IL31RA: variants seen among roughly 807,000 people sequenced by gnomAD.
The protein encoded by IL31RA is interleukin-31 receptor subunit alpha.
IL31RA carries 66 observed loss-of-function variants against 83.7 expected under a neutral mutation model. The ratio of observed to expected loss-of-function variants is 0.79; its 90% CI spans 0.65 to 0.97. The LOEUF (loss-of-function observed/expected upper bound fraction) is 0.97. Ranked by LOEUF, IL31RA falls within the 50% of genes least tolerant of loss-of-function variation. The pLI, the probability that IL31RA is intolerant of heterozygous loss-of-function variation, is 0.00. For missense variants in IL31RA, 798 were observed against 919.4 expected (o/e 0.87, Z 1.71); for synonymous variants, 325 against 329.0 (o/e 0.99, Z 0.13).
At chr5:55,891,861 C>T (rs1048944803) in intron 6 of IL31RA, among the ~76,000 whole-genome samples, 14 of 143,952 alleles carry the variant, frequency 9.7e-5, no homozygotes, top group Admixed American at 3.6e-4. Flanking sequence ...CCGCAAGCTC[C>T]GCCTCCCAGG....
At chr5:55,867,259 GTT>G (rs1475859348) in intron 2 of IL31RA, among the ~76,000 whole-genome samples, 70 of 14,762 alleles carry the variant, frequency 4.7e-3, no homozygotes, top group African/African-American at 0.015. Flanking sequence ...GTGTGCGTGT[GTT>G]TGTGTGCGTG....
At chr5:55,894,855 T>G (rs1396640683) in intron 6 of IL31RA, among the ~76,000 whole-genome samples, 1 of 152,202 alleles carries the variant, frequency 6.6e-6, no homozygotes, top group Admixed American at 6.5e-5. Context: ...TAGCTGGGAT[T>G]ACAGGCACAC....
At chr5:55,899,428 G>A (rs1472883808) in intron 7 of IL31RA, among the ~76,000 whole-genome samples, 1 of 152,206 alleles carries the variant, frequency 6.6e-6, no homozygotes, top group African/African-American at 2.4e-5. Flanking sequence ...ACGCCTGGCT[G>A]GGGCGCCTGG....
chr5:55,877,173 T>A (rs1398521143), intron 4 of IL31RA, among the ~76,000 whole-genome samples: 1 of 152,192 alleles, frequency 6.6e-6, no homozygotes, highest in Non-Finnish European at 1.5e-5. Context: ...AAATAGCATC[T>A]AAAGTTATAA....
intron 2 of IL31RA, 100 bp downstream of exon 2, chr5:55,859,699 A>G (rs1745555798): frequency 1.2e-6 from 1 of 864,446 alleles, no homozygotes; most frequent in Non-Finnish European, 2.0e-6. Context: ...ATGGACATCC[A>G]CAGATAGAAA....
rs745449788 is a variant in IL31RA, at chr5:55,916,763, T to C, written c.1938T>C (p.Asn646=). The C allele has an allele frequency of 3.7e-6, 6 of 1,614,198 alleles. No homozygotes were observed. Among genetic ancestry groups the C allele is most frequent in the Non-Finnish European group, 4.2e-6 (5 of 1,180,022 alleles). ...ACAAGTTGGTGGTGAACTTTGGGAA[T>C]GTTCTGCAAGAAATTTTCACAGATG... The part of the protein sequence containing the change: ...VIDKLVVNFG[N]VLQEIFTDEA... Residue 646 remains asparagine (N), a synonymous_variant, in exon 15 of 15, where the codon AAT becomes AAC. Coordinates refer to ENST00000652347, the MANE Select transcript of IL31RA (RefSeq NM_139017.7).
In IL31RA at chr5:55,901,050, C is replaced by T. The variant is rs1436806039; in HGVS notation, c.1069+918C>T. On this transcript the variant is annotated intron_variant, in intron 8 of 14. Coordinates refer to ENST00000652347, the MANE Select transcript of IL31RA (RefSeq NM_139017.7). Reference sequence around the variant, plus strand: ...ACACCTAGACTGGTTCAGACATTTACACAACCAGTTCTAGAATTCTCTGCC... The same window carrying T: ...ACACCTAGACTGGTTCAGACATTTATACAACCAGTTCTAGAATTCTCTGCC... Among the ~76,000 whole-genome samples the T allele has an allele frequency of 3.3e-5, 5 of 152,238 alleles. 1 individual carries two copies. Among genetic ancestry groups the T allele is most frequent in the Non-Finnish European group, 7.3e-5 (5 of 68,044 alleles).
chr5:55,865,995 G>C (rs1746024418), intron 2 of IL31RA, among the ~76,000 whole-genome samples: 1 of 152,178 alleles, frequency 6.6e-6, no homozygotes, highest in Non-Finnish European at 1.5e-5. Flanking sequence ...ATCTGCCATG[G>C]GGCAGCTGGC....
rs1330184406 is a variant in IL31RA, at chr5:55,918,722, G to A, written c.*1602G>A. ...ACTTACCTTAGCCAATTGCTGCCTC[G>A]TTACTGTGGGCACAGGAAGGTGTGG... On this transcript the variant is annotated 3_prime_UTR_variant, in exon 15 of 15. Transcript: ENST00000652347. 2.6e-5 allele frequency among the ~76,000 whole-genome samples: 4 copies of A among 152,036 alleles called. No individual in the cohort carries two copies. The highest frequency in any genetic ancestry group is 6.6e-5 in the Admixed American group (1 of 15,258).
At position 55,921,548 on chromosome 5, in the gene IL31RA, C is replaced by G. The variant is rs2112613625; in HGVS notation, c.*4428C>G. On this transcript the variant is annotated 3_prime_UTR_variant, in exon 15 of 15. Coordinates refer to ENST00000652347, the MANE Select transcript of IL31RA (RefSeq NM_139017.7). ...TTGCTGGTCAGAATTTTATGGTTGTCACATTTTGCGTGACTGTGTCCCATC... is the reference window on the plus strand; with the variant it reads ...TTGCTGGTCAGAATTTTATGGTTGTGACATTTTGCGTGACTGTGTCCCATC... 6.6e-6 allele frequency among the ~76,000 whole-genome samples: 1 copy of G among 152,308 alleles called. No individual in the cohort carries two copies. The highest frequency in any genetic ancestry group is 2.1e-4 in the South Asian group (1 of 4,828).
upstream of IL31RA, among the ~76,000 whole-genome samples, chr5:55,850,437 G>A (rs1434197539): frequency 2.6e-5 from 4 of 152,012 alleles, no homozygotes; most frequent in Non-Finnish European, 5.9e-5. Flanking sequence ...TTAGACTTCA[G>A]CTCTCATATT....
intron 11 of IL31RA, chr5:55,908,836 A>C: frequency 1.5e-6 from 2 of 1,373,332 alleles, no homozygotes; most frequent in Non-Finnish European, 1.9e-6. Context: ...CATCTTAAAT[A>C]CTGGGCAAGG....
intron 5 of IL31RA, among the ~76,000 whole-genome samples, chr5:55,886,359 C>T (rs1350814904): frequency 1.3e-5 from 2 of 149,776 alleles, no homozygotes; most frequent in East Asian, 4.0e-4. Context: ...CTGCAACCTC[C>T]ACCTCCGGGG....
rs144882776 is a variant in IL31RA at position 55,922,712 on chromosome 5, A to G, written c.*5592A>G. 2,036 of 455,718 alleles carry G rather than the reference A, an allele frequency of 4.5e-3. 8 individuals carry two copies. The highest frequency in any genetic ancestry group is 6.1e-3 in the Non-Finnish European group (1,582 of 258,202). The allele number at this position is 455,718 out of a possible 1,614,324, so 28.2% of individuals were successfully genotyped here. ...TGGGCCTTTCATACAAAAAAGCCATAATACCATTTTCATGTAATGCTATAC... is the reference window on the plus strand; with the variant it reads ...TGGGCCTTTCATACAAAAAAGCCATGATACCATTTTCATGTAATGCTATAC... On this transcript the variant is annotated 3_prime_UTR_variant, in exon 15 of 15. Transcript: ENST00000652347.
Position 55,908,170 on chromosome 5 carries a change from A to G in IL31RA, c.1355-95A>G. 5 of 1,568,088 alleles carry G rather than the reference A, an allele frequency of 3.2e-6. No homozygotes were observed. In the South Asian group the frequency reaches 4.5e-5, roughly 14 times the overall value. ...ACCCTCACCCGTCGCCTCCAGCACT[A>G]TGGTTTGGTCTGAGTACTGGCCAGG... On this transcript the variant is annotated intron_variant, in intron 10 of 14. Transcript: ENST00000652347.
rs1283110121 is a variant in IL31RA, at chr5:55,896,346, A to G, written c.773-4A>G. The G allele has an allele frequency of 1.9e-6, 3 of 1,608,072 alleles. No homozygotes were observed. Among genetic ancestry groups the G allele is most frequent in the African/African-American group, 1.3e-5 (1 of 74,748 alleles). ...GTTGAGTACCTCATTCTTGTTCCTTACAGCTCCATGTGGCCTGGAACTGTG... is the reference window on the plus strand; with the variant it reads ...GTTGAGTACCTCATTCTTGTTCCTTGCAGCTCCATGTGGCCTGGAACTGTG... On this transcript the variant is annotated splice_region_variant and splice_polypyrimidine_tract_variant and intron_variant, in intron 6 of 14. Transcript: ENST00000652347.
At chr5:55,853,071 C>T (rs1745154435) in intron 1 of IL31RA, among the ~76,000 whole-genome samples, 1 of 152,134 alleles carries the variant, frequency 6.6e-6, no homozygotes, top group African/African-American at 2.4e-5. Context: ...AATTTGTAAG[C>T]CTCTTTTTGG....
At position 55,921,427 on chromosome 5, in the gene IL31RA, C is replaced by T. The variant is rs998223439; in HGVS notation, c.*4307C>T. Among the ~76,000 whole-genome samples the T allele has an allele frequency of 3.3e-5, 5 of 152,178 alleles. No individual in the cohort carries two copies. Among genetic ancestry groups the T allele is most frequent in the Non-Finnish European group, 5.9e-5 (4 of 68,038 alleles). On this transcript the variant is annotated 3_prime_UTR_variant, in exon 15 of 15. Transcript: ENST00000652347. ...AAGGCATCCCTTGGTTGATAGGATT[C>T]GTTTAAAGGTCCTCCTAGTATAGAG...
At chr5:55,856,693 T>A (rs1306622515) in intron 1 of IL31RA, among the ~76,000 whole-genome samples, 1 of 152,208 alleles carries the variant, frequency 6.6e-6, no homozygotes, top group Non-Finnish European at 1.5e-5. Flanking sequence ...TTTTGAAGTA[T>A]CTTTCATCAG....
Sources: gnomAD v4.1 joint callset for allele counts (sites outside exome capture counted in the v4.1 genomes callset) on GRCh38, gnomAD v4.1.1 for gene constraint, MANE v1.5 for transcripts, NCBI Gene and HGNC (gene_info 2026-07-23, HGNC 2026-07-21) for gene names.